The following HORMAD2 variants were observed in gnomAD, a reference collection of about 807,000 sequenced individuals.
HORMAD2 encodes HORMA domain-containing protein 2.
In HORMAD2, 45 loss-of-function variants were observed where a neutral mutation model predicts 38.8. The observed-to-expected ratio is 1.16, with a 90% CI of 0.91 to 1.49. HORMAD2 has a LOEUF of 1.49. Ranked by LOEUF, HORMAD2 falls within the 40% of genes most tolerant of loss-of-function variation. HORMAD2 has a pLI of 0.00. For synonymous variants in HORMAD2, 126 were observed against 122.8 expected, an observed-to-expected ratio of 1.03 and a Z score of -0.17; for missense variants, 338 against 367.0, an observed-to-expected ratio of 0.92 and a Z score of 0.65.
chr22:30,134,535 C>T (rs1049245145), intron 10 of HORMAD2, among the ~76,000 whole-genome samples: 3 of 150,316 alleles, frequency 2.0e-5, no homozygotes, highest in Non-Finnish European at 4.4e-5. Context: ...GTGTTTCTAA[C>T]TTTTCTTTAC....
intron 10 of HORMAD2, among the ~76,000 whole-genome samples, chr22:30,135,364 C>T (rs552180810): frequency 4.0e-5 from 6 of 151,816 alleles, no homozygotes; most frequent in African/African-American, 9.7e-5. Context: ...TAGCTTCCTG[C>T]TAGGAGGCAC....
the HORMAD2 span, among the ~76,000 whole-genome samples, chr22:30,197,109 T>A: frequency 6.6e-6 from 1 of 152,070 alleles, no homozygotes; most frequent in Non-Finnish European, 1.5e-5. Flanking sequence ...CCAAAGTTTT[T>A]GGGCAGGCTT....
At chr22:30,123,633 C>T (rs977911767) in intron 10 of HORMAD2, among the ~76,000 whole-genome samples, 7 of 148,550 alleles carry the variant, frequency 4.7e-5, no homozygotes, top group African/African-American at 1.8e-4. Flanking sequence ...CCACACTGGG[C>T]CTCAGCTAGG....
intron 10 of HORMAD2, among the ~76,000 whole-genome samples, chr22:30,168,256 T>C (rs1225480017): frequency 6.6e-6 from 1 of 152,216 alleles, no homozygotes; most frequent in Non-Finnish European, 1.5e-5. Context: ...ATAGAAATAA[T>C]TAAGGCCATC....
intron 10 of HORMAD2, among the ~76,000 whole-genome samples, chr22:30,143,889 G>A (rs1040887720): frequency 1.3e-5 from 2 of 152,130 alleles, no homozygotes; most frequent in Admixed American, 1.3e-4. Context: ...TGGCACTTCT[G>A]TGCTCTCTGT....
chr22:30,079,430 A>G (rs2068431375), upstream of HORMAD2, among the ~76,000 whole-genome samples: 1 of 152,250 alleles, frequency 6.6e-6, no homozygotes, highest in African/African-American at 2.4e-5. Flanking sequence ...GGTCCAGGGT[A>G]GGGATGAAGA....
At chr22:30,193,059 A>G in the HORMAD2 span, among the ~76,000 whole-genome samples, 1 of 152,252 alleles carries the variant, frequency 6.6e-6, no homozygotes, top group African/African-American at 2.4e-5. Context: ...TGGGGCTAAA[A>G]TGATAGACCG....
chr22:30,098,286 T>TG (rs1263268726), intron 2 of HORMAD2, among the ~76,000 whole-genome samples: 1 of 152,124 alleles, frequency 6.6e-6, no homozygotes, highest in Non-Finnish European at 1.5e-5. Flanking sequence ...GACAGAATCC[T>TG]GGGGGATAAC....
At chr22:30,107,903 C>G (rs1315658315) in intron 5 of HORMAD2, among the ~76,000 whole-genome samples, 1 of 147,762 alleles carries the variant, frequency 6.8e-6, no homozygotes, top group African/African-American at 2.5e-5. Flanking sequence ...GAGTCTCGCT[C>G]TATTGCCCAG....
intron 10 of HORMAD2, among the ~76,000 whole-genome samples, chr22:30,133,822 T>G (rs1000502220): frequency 7.2e-5 from 11 of 152,160 alleles, no homozygotes; most frequent in Non-Finnish European, 1.3e-4. Context: ...ATGTGCATAT[T>G]ATATGCCAAT....
Position 30,139,975 on chromosome 22 carries a change from A to G in HORMAD2, c.819+17761A>G, listed in dbSNP as rs574857964. Among the ~76,000 whole-genome samples the G allele has an allele frequency of 1.8e-3, 260 of 144,306 alleles. 2 individuals carry two copies. The highest frequency in any genetic ancestry group is 3.4e-3 in the Admixed American group (49 of 14,274). 94.7% of individuals were successfully genotyped at this position (144,306 alleles called of 152,430 possible). A position where few individuals can be genotyped will look rare whatever the true frequency, so the allele number is the denominator to read the frequency against. ...TGTATCTGTGTGTGTGTGTGTGTGTATTTATATTGCTAGATGTTTTCCTAG... is the reference window on the plus strand; with the variant it reads ...TGTATCTGTGTGTGTGTGTGTGTGTGTTTATATTGCTAGATGTTTTCCTAG... On this transcript the variant is annotated intron_variant, in intron 10 of 10. Transcript: ENST00000336726.
chr22:30,194,512 A>T, the HORMAD2 span, among the ~76,000 whole-genome samples: 2 of 152,192 alleles, frequency 1.3e-5, no homozygotes, highest in African/African-American at 4.8e-5. Flanking sequence ...TCTAACAATG[A>T]GGGGTGATTA....
intron 10 of HORMAD2, among the ~76,000 whole-genome samples, chr22:30,152,445 G>A (rs1323967726): frequency 2.0e-5 from 3 of 151,916 alleles, no homozygotes; most frequent in African/African-American, 7.3e-5. Flanking sequence ...TCCTGACTCA[G>A]CCTCCCAAGA....
At chr22:30,186,604 C>T in the HORMAD2 span, among the ~76,000 whole-genome samples, 4 of 152,086 alleles carry the variant, frequency 2.6e-5, no homozygotes, top group Non-Finnish European at 5.9e-5. Context: ...TCTGCCTCAT[C>T]ATTACCTCCT....
At chr22:30,097,426 G>GTA (rs1163243039) in intron 2 of HORMAD2, among the ~76,000 whole-genome samples, 3 of 152,050 alleles carry the variant, frequency 2.0e-5, no homozygotes, top group African/African-American at 7.2e-5. Flanking sequence ...TTACTATGTT[G>GTA]TATATATATA....
At chr22:30,081,750 T>C (rs1490132264) in intron 1 of HORMAD2, among the ~76,000 whole-genome samples, 1 of 151,906 alleles carries the variant, frequency 6.6e-6, no homozygotes, top group African/African-American at 2.4e-5. Flanking sequence ...TAAATTTTTT[T>C]ATTTTTTTTT....
intron 1 of HORMAD2, among the ~76,000 whole-genome samples, chr22:30,093,018 A>G (rs963826288): frequency 6.6e-6 from 1 of 152,040 alleles, no homozygotes; most frequent in African/African-American, 2.4e-5. Context: ...TTCCGTTTCT[A>G]TGAAGAGTGT....
intron 10 of HORMAD2, among the ~76,000 whole-genome samples, chr22:30,150,442 T>C (rs945654406): frequency 2.0e-5 from 3 of 152,178 alleles, no homozygotes; most frequent in African/African-American, 7.2e-5. Flanking sequence ...ATAGAGTCTT[T>C]CTCTCTGTGT....
chr22:30,092,670 A>G (rs565661092), intron 1 of HORMAD2, among the ~76,000 whole-genome samples: 271 of 152,196 alleles, frequency 1.8e-3, no homozygotes, highest in Middle Eastern at 6.8e-3. Context: ...ATTTTTGTAT[A>G]TGGTGAGAGA....
Sources: gnomAD v4.1 joint callset for allele counts (sites outside exome capture counted in the v4.1 genomes callset) on GRCh38, gnomAD v4.1.1 for gene constraint, MANE v1.5 for transcripts, NCBI Gene and HGNC (gene_info 2026-07-23, HGNC 2026-07-21) for gene names.